RBL1: variants seen among roughly 807,000 people sequenced by gnomAD.
RBL1 encodes RB transcriptional corepressor like 1.
A neutral mutation model predicts 123.0 loss-of-function variants in RBL1; 82 were observed. The observed-to-expected ratio is 0.67, with a 90% CI of 0.56 to 0.80. The LOEUF (loss-of-function observed/expected upper bound fraction) is 0.80, where lower values mean the gene tolerates loss of function less well. Ranked by LOEUF, RBL1 falls within the 30% of genes least tolerant of loss-of-function variation. The probability of loss-of-function intolerance (pLI) is 0.00; values close to 1 mark genes in which losing one functional copy is unlikely to be tolerated. For synonymous variants in RBL1, 405 were observed against 441.3 expected, an observed-to-expected ratio of 0.92 and a Z score of 1.03; for missense variants, 1,171 against 1,299.6, an observed-to-expected ratio of 0.90 and a Z score of 1.52.
intron 2 of RBL1, among the ~76,000 whole-genome samples, chr20:37,075,505 G>C (rs184027689): frequency 6.9e-4 from 105 of 152,018 alleles, no homozygotes; most frequent in Non-Finnish European, 1.2e-3. Context: ...TCCCAGGCTA[G>C]AGTGCAGTGG....
chr20:37,057,008 C>T (rs62206484), intron 9 of RBL1, among the ~76,000 whole-genome samples: 23,924 of 113,410 alleles, frequency 0.21, 2,071 homozygotes, highest in Middle Eastern at 0.28. Flanking sequence ...TATCTATCTA[C>T]CTACCTACCT....
chr20:37,046,439 C>T (rs1210592694), intron 12 of RBL1, among the ~76,000 whole-genome samples: 1 of 151,784 alleles, frequency 6.6e-6, no homozygotes, highest in African/African-American at 2.4e-5. Context: ...TGCTTAGGTG[C>T]CCAGGCTGGA....
At chr20:37,082,445 T>C (rs112985344) in intron 2 of RBL1, among the ~76,000 whole-genome samples, 3,446 of 152,150 alleles carry the variant, frequency 0.023, 65 homozygotes, top group Middle Eastern at 0.12. Flanking sequence ...TTATGTTATA[T>C]ATATTTTACT....
At chr20:37,085,794 C>T (rs1411267628) in intron 2 of RBL1, among the ~76,000 whole-genome samples, 1 of 151,568 alleles carries the variant, frequency 6.6e-6, no homozygotes, top group Non-Finnish European at 1.5e-5. Context: ...GCTGGGACTA[C>T]AGGCGCCCAC....
chr20:37,001,918 T>TAAAAAAA (rs757774894), intron 21 of RBL1, among the ~76,000 whole-genome samples: 34 of 86,488 alleles, frequency 3.9e-4, no homozygotes, highest in East Asian at 8.0e-4. Context: ...TGCAGAACAA[T>TAAAAAAA]AAAAAAAAAA....
At position 37,095,893 on chromosome 20, in the gene RBL1, C is replaced by A. The variant is rs777564233; in HGVS notation, c.36G>T (p.Ala12=). 6.2e-7 allele frequency: 1 copy of A among 1,602,706 alleles called. No individual in the cohort carries two copies. The highest frequency in any genetic ancestry group is 2.2e-5 in the East Asian group (1 of 44,626). The change falls in exon 1 of 22, where the codon GCG becomes GCT. Residue 12 remains alanine, a synonymous_variant. Transcript: ENST00000373664. ...FEDKPHAEGA[A]VVAAAGEALQ... is the part of the protein sequence containing the mutation. ...GCGCCTCCCCGGCTGCGGCGACCACCGCCGCCCCCTCAGCGTGGGGCTTGT... is the reference window on the plus strand; with the variant it reads ...GCGCCTCCCCGGCTGCGGCGACCACAGCCGCCCCCTCAGCGTGGGGCTTGT...
chr20:37,022,561 A>G, intron 17 of RBL1, 89 bp downstream of exon 17: 3 of 1,242,112 alleles, frequency 2.4e-6, no homozygotes, highest in Non-Finnish European at 3.3e-6. Flanking sequence ...TCCTGGGCTC[A>G]AGCTATCTGC....
At chr20:37,067,766 C>CAAAA (rs1168742059) in intron 3 of RBL1, among the ~76,000 whole-genome samples, 181 of 62,636 alleles carry the variant, frequency 2.9e-3, no homozygotes, top group Non-Finnish European at 3.7e-3. Context: ...TGAGACTCCT[C>CAAAA]AAAAAAAAAA....
At chr20:37,090,208 C>T (rs945590809) in intron 1 of RBL1, among the ~76,000 whole-genome samples, 1 of 152,132 alleles carries the variant, frequency 6.6e-6, no homozygotes, top group African/African-American at 2.4e-5. Flanking sequence ...AAGTTTGCAG[C>T]CCAGGAGCAA....
rs745921634 is a variant in RBL1, at chr20:37,081,020, C to T, written c.290+7969G>A. Among the ~76,000 whole-genome samples the T allele has an allele frequency of 2.6e-5, 4 of 152,268 alleles. 1 individual carries two copies. The highest frequency in any genetic ancestry group is 7.2e-5 in the African/African-American group (3 of 41,560). On this transcript the variant is annotated intron_variant, in intron 2 of 21. Transcript: ENST00000373664. ...AAGTCCCCAAAAATATCTTGAGGTT[C>T]CTGGGCTTGTCAGAAAGTGACATCT... is the stretch of plus-strand genomic sequence containing the variant.
chr20:37,035,802 G>C (rs968005456), intron 14 of RBL1, among the ~76,000 whole-genome samples: 1 of 152,182 alleles, frequency 6.6e-6, no homozygotes, highest in African/African-American at 2.4e-5. Context: ...AGAATGAAGT[G>C]AGCACTAAAT....
intron 3 of RBL1, 145 bp downstream of exon 3, chr20:37,067,841 A>G (rs1412044080): frequency 1.2e-6 from 1 of 854,396 alleles, no homozygotes; most frequent in Non-Finnish European, 1.7e-6. Context: ...ATTTCCAAAT[A>G]TGGATAATTG....
intron 19 of RBL1, among the ~76,000 whole-genome samples, chr20:37,017,202 C>T (rs775199307): frequency 6.8e-4 from 104 of 151,894 alleles, no homozygotes; most frequent in Non-Finnish European, 1.2e-3. Flanking sequence ...GGCAAAATCC[C>T]GTCTCTACAA....
chr20:37,062,645 CAAAAAAA>C (rs60370479), intron 7 of RBL1, among the ~76,000 whole-genome samples: 8 of 40,108 alleles, frequency 2.0e-4, no homozygotes. Context: ...GACTCTGTCT[CAAAAAAA>C]AAAAAAAAAA....
intron 13 of RBL1, 81 bp downstream of exon 13, chr20:37,044,005 G>C (rs926338741): frequency 8.4e-7 from 1 of 1,185,796 alleles, no homozygotes; most frequent in Non-Finnish European, 1.2e-6. Context: ...GAACTCTATG[G>C]TATAGGAATT....
intron 9 of RBL1, among the ~76,000 whole-genome samples, chr20:37,060,069 G>A (rs990455592): frequency 1.3e-5 from 2 of 152,020 alleles, no homozygotes; most frequent in Non-Finnish European, 2.9e-5. Context: ...CTACTCGGGA[G>A]GCTGAGGCAG....
At position 37,032,872 on chromosome 20, in the gene RBL1, G is replaced by GAC. The variant is rs1568840977; in HGVS notation, c.2173_2174dup (p.Ala726SerfsTer10). The stretch of plus-strand genomic sequence containing the variant: ...GTGTGATCTCTCCAGCATCATTTGC[G>GAC]ACACCTGAATGTATAAGCATTATTA... On this transcript the variant is annotated frameshift_variant, in exon 16 of 22. Transcript: ENST00000373664. LOFTEE classifies it high-confidence loss of function. 1 of 1,613,794 alleles carries GAC rather than the reference G, an allele frequency of 6.2e-7. No homozygotes were observed. The highest frequency in any genetic ancestry group is 8.5e-7 in the Non-Finnish European group (1 of 1,179,968).
At chr20:37,018,154 A>G in intron 19 of RBL1, 125 bp downstream of exon 19, 1 of 1,102,850 alleles carries the variant, frequency 9.1e-7, no homozygotes, top group Non-Finnish European at 1.2e-6. Flanking sequence ...TTTGTTTTCA[A>G]AACATATGCA....
chr20:37,003,720 G>A lies in RBL1; in HGVS notation c.3018C>T (p.Phe1006=). ...ACCTTACCTTAGAAGGGCTGCCATT[G>A]AACTTGTACAGCAGAGCGCTTCTTG... ...LTPRSALLYK[F]NGSPSKSLKD... The change falls in exon 21 of 22, where the codon TTC becomes TTT. Residue 1006 remains phenylalanine, a synonymous_variant. Transcript: ENST00000373664. The A allele has an allele frequency of 1.2e-6, 2 of 1,610,738 alleles. No homozygotes were observed. Among genetic ancestry groups the A allele is most frequent in the South Asian group, 2.2e-5 (2 of 90,304 alleles).
Sources: allele counts gnomAD v4.1 joint callset (sites outside exome capture counted in the v4.1 genomes callset), GRCh38; gene constraint gnomAD v4.1.1; transcripts MANE v1.5; gene names NCBI Gene and HGNC (gene_info 2026-07-23, HGNC 2026-07-21).